The following PBLD variants were observed in gnomAD, a reference collection of about 807,000 sequenced individuals.
PBLD encodes phenazine biosynthesis like protein domain containing.
PBLD carries 26 observed loss-of-function variants against 31.3 expected under a neutral mutation model. That is an observed-to-expected ratio of 0.83 (90% CI 0.61 to 1.15). PBLD has a LOEUF of 1.15. Ranked by LOEUF, PBLD falls within the 50% of genes most tolerant of loss-of-function variation. The pLI, the probability that PBLD is intolerant of heterozygous loss-of-function variation, is 0.00. For missense variants in PBLD, 307 were observed against 351.7 expected (o/e 0.87, Z 1.02); for synonymous variants, 114 against 129.0 (o/e 0.88, Z 0.79).
At chr10:68,297,709 C>T (rs2044448888) in intron 2 of PBLD, among the ~76,000 whole-genome samples, 1 of 152,098 alleles carries the variant, frequency 6.6e-6, no homozygotes, top group Non-Finnish European at 1.5e-5. Context: ...TTTTAAAACC[C>T]TCAATGTAAA....
chr10:68,311,684 G>A (rs1040818302), intron 1 of PBLD, among the ~76,000 whole-genome samples: 2 of 150,716 alleles, frequency 1.3e-5, no homozygotes, highest in South Asian at 2.1e-4. Flanking sequence ...CCCGGGAAGC[G>A]GAGATAGCAG....
At position 68,283,267 on chromosome 10, in the gene PBLD, C is replaced by T. The variant is rs1423616180; in HGVS notation, c.*910G>A. On this transcript the variant is annotated 3_prime_UTR_variant, in exon 10 of 10. Coordinates refer to ENST00000358769, the MANE Select transcript of PBLD (RefSeq NM_022129.4). ...CTTTTTTGTGTTAATTTTCTGGATT[C>T]ATCCTGATTTTTAGTCTTCGTACCT... 1 of 152,114 alleles carries T rather than the reference C, an allele frequency of 6.6e-6. No individual in the cohort carries two copies. Among genetic ancestry groups the T allele is most frequent in the Non-Finnish European group, 1.5e-5 (1 of 68,014 alleles). The allele number at this position is 152,114 out of a possible 1,614,324, so 9.4% of individuals were successfully genotyped here.
In PBLD at chr10:68,317,817, CA is replaced by C. The variant is rs914487674; in HGVS notation, c.-59-10915del. Reference sequence around the variant, plus strand: ...CACTGTCCCATAAAAAACAAACAAACAAAAAAAATGTAGAGATTTGTTGCAC... The same window carrying C: ...CACTGTCCCATAAAAAACAAACAAACAAAAAAATGTAGAGATTTGTTGCAC... On this transcript the variant is annotated intron_variant, in intron 1 of 9. Coordinates refer to ENST00000358769, the MANE Select transcript of PBLD (RefSeq NM_022129.4). 1.7e-3 allele frequency among the ~76,000 whole-genome samples: 256 copies of C among 148,888 alleles called. 2 individuals carry two copies. The highest frequency in any genetic ancestry group is 6.0e-3 in the African/African-American group (244 of 40,494).
intron 9 of PBLD, 48 bp from the exon 10 acceptor site, chr10:68,284,337 A>C: frequency 6.8e-7 from 1 of 1,474,672 alleles, no homozygotes; most frequent in East Asian, 2.3e-5. Context: ...ACCCTTTTAA[A>C]TTAACAAAGC....
chr10:68,316,882 G>A (rs764870537), intron 1 of PBLD, among the ~76,000 whole-genome samples: 9 of 152,168 alleles, frequency 5.9e-5, no homozygotes, highest in Admixed American at 2.0e-4. Context: ...GCATAGTGGC[G>A]TGCGAATGTA....
chr10:68,292,512 C>CTT (rs66894235), intron 4 of PBLD, among the ~76,000 whole-genome samples: 107,729 of 147,030 alleles, frequency 0.73, 40,305 homozygotes, highest in Middle Eastern at 0.83. Context: ...ACTTAGCCTC[C>CTT]TTTTTTTTTT....
At chr10:68,289,084 T>C (rs1209103369) in intron 6 of PBLD, 65 bp from the exon 7 acceptor site, 1 of 1,259,244 alleles carries the variant, frequency 7.9e-7, no homozygotes, top group South Asian at 1.2e-5. Flanking sequence ...TCCCCTGAAA[T>C]GGGAAATGAC....
chr10:68,305,932 T>C (rs992427172), intron 2 of PBLD, among the ~76,000 whole-genome samples: 1 of 152,138 alleles, frequency 6.6e-6, no homozygotes, highest in African/African-American at 2.4e-5. Flanking sequence ...ATATGACTTA[T>C]TTAAGATCAT....
At chr10:68,310,335 T>C (rs1467045344) in intron 1 of PBLD, among the ~76,000 whole-genome samples, 1 of 144,084 alleles carries the variant, frequency 6.9e-6, no homozygotes, top group Non-Finnish European at 1.5e-5. Context: ...GATAAAATTA[T>C]ATTTATCATG....
chr10:68,302,433 A>G (rs2044516834), intron 2 of PBLD, among the ~76,000 whole-genome samples: 1 of 152,202 alleles, frequency 6.6e-6, no homozygotes, highest in Admixed American at 6.5e-5. Context: ...GACAGTCCCG[A>G]CTTATCAGTC....
At chr10:68,296,461 G>T in intron 3 of PBLD, 97 bp from the exon 4 acceptor site, 1 of 837,020 alleles carries the variant, frequency 1.2e-6, no homozygotes, top group Non-Finnish European at 1.9e-6. Context: ...TCTCTAGCAT[G>T]ATGAGTAGCC....
Position 68,298,074 on chromosome 10 carries a change from C to A in PBLD, c.85-1089G>T, listed in dbSNP as rs1160020686. ...TGAGACCAGGAGTTCAAGACCACCCCCCAGTCTCAATAAAAAATAAAAATA... is the reference window on the plus strand; with the variant it reads ...TGAGACCAGGAGTTCAAGACCACCCACCAGTCTCAATAAAAAATAAAAATA... On this transcript the variant is annotated intron_variant, in intron 2 of 9. Transcript: ENST00000358769. Among the ~76,000 whole-genome samples, 3 of 151,158 alleles carry A rather than the reference C, an allele frequency of 2.0e-5. No homozygotes were observed. In the East Asian group the frequency reaches 5.9e-4, roughly 30 times the overall value.
At position 68,284,210 on chromosome 10, in the gene PBLD, T is replaced by C. The variant is rs1363493798; in HGVS notation, c.834A>G (p.Ala278=). 2 of 1,614,066 alleles carry C rather than the reference T, an allele frequency of 1.2e-6. No individual in the cohort carries two copies. The highest frequency in any genetic ancestry group is 1.7e-6 in the Non-Finnish European group (2 of 1,179,980). The change falls in exon 10 of 10, where the codon GCA becomes GCG. Residue 278 remains alanine (A), a synonymous_variant. Transcript: ENST00000358769. ...PDGRVDIRGG[A]AVVLEGTLTA The stretch of plus-strand genomic sequence containing the variant: ...TCAGTGTGCCCTCTAAAACAACAGC[T>C]GCACCTCCTCTAATGTCAACCCTTC...
intron 1 of PBLD, among the ~76,000 whole-genome samples, chr10:68,310,759 G>C (rs149775027): frequency 6.7e-6 from 1 of 150,360 alleles, no homozygotes; most frequent in Non-Finnish European, 1.5e-5. Flanking sequence ...GTTCACCCAT[G>C]TTGATGCAAA....
chr10:68,305,750 C>A (rs976500675), intron 2 of PBLD, among the ~76,000 whole-genome samples: 1 of 151,934 alleles, frequency 6.6e-6, no homozygotes, highest in East Asian at 1.9e-4. Context: ...AGCGGAACTC[C>A]GTCTCAAAAA....
intron 8 of PBLD, among the ~76,000 whole-genome samples, chr10:68,285,921 T>C (rs1454760408): frequency 1.3e-5 from 2 of 151,800 alleles, no homozygotes; most frequent in Non-Finnish European, 2.9e-5. Flanking sequence ...TCTCAAGAGA[T>C]CCACCTGCCT....
chr10:68,317,922 T>C (rs2044756456), intron 1 of PBLD, among the ~76,000 whole-genome samples: 1 of 151,772 alleles, frequency 6.6e-6, no homozygotes, highest in Non-Finnish European at 1.5e-5. Flanking sequence ...ATGTGATTTT[T>C]ACCACAATAA....
At chr10:68,288,842 G>T (rs1414037438) in intron 7 of PBLD, 89 bp downstream of exon 7, 3 of 1,372,410 alleles carry the variant, frequency 2.2e-6, no homozygotes, top group East Asian at 2.3e-5. Context: ...ATCATGGTTT[G>T]ACTGGACACA....
chr10:68,295,515 T>C (rs2044412930), intron 4 of PBLD, among the ~76,000 whole-genome samples: 1 of 151,954 alleles, frequency 6.6e-6, no homozygotes, highest in Non-Finnish European at 1.5e-5. Context: ...AAAAAATGTT[T>C]ATTGAAGAAT....
Sources: allele counts gnomAD v4.1 joint callset (sites outside exome capture counted in the v4.1 genomes callset), GRCh38; gene constraint gnomAD v4.1.1; transcripts MANE v1.5; gene names NCBI Gene and HGNC (gene_info 2026-07-23, HGNC 2026-07-21).